Variants in TERB2 observed in about 807,000 individuals in gnomAD.
TERB2 encodes telomere repeat binding bouquet formation protein 2.
Under a neutral mutation model 29.8 loss-of-function variants are expected in TERB2, and 26 were observed. That is an observed-to-expected ratio of 0.87 (90% CI 0.64 to 1.21). TERB2 has a LOEUF of 1.21. Among genes scored for constraint, TERB2 ranks in the 50% most tolerant of loss-of-function variants. TERB2 has a pLI of 0.00. For missense variants in TERB2, 240 were observed against 268.6 expected, an observed-to-expected ratio of 0.89 and a Z score of 0.74; for synonymous variants, 80 against 90.8, an observed-to-expected ratio of 0.88 and a Z score of 0.68.
intron 3 of TERB2, among the ~76,000 whole-genome samples, chr15:44,961,001 T>C (rs1207264165): frequency 6.6e-6 from 1 of 151,796 alleles, no homozygotes; most frequent in Non-Finnish European, 1.5e-5. Flanking sequence ...AATATATATC[T>C]AATGCATTAT....
At position 44,978,709 on chromosome 15, in the gene TERB2, G is replaced by C; in HGVS notation, c.*81G>C. ...TGCATATCATAAAATGCTCCCTTTT[G>C]GTACTGGGGGATAGTGAAATGGGAA... is the stretch of plus-strand genomic sequence containing the variant. On this transcript the variant is annotated 3_prime_UTR_variant, in exon 7 of 7. Transcript: ENST00000340827. 1 of 1,350,162 alleles carries C rather than the reference G, an allele frequency of 7.4e-7. No individual in the cohort carries two copies. Among genetic ancestry groups the C allele is most frequent in the Non-Finnish European group, 9.6e-7 (1 of 1,037,270 alleles). 83.6% of individuals were successfully genotyped at this position (1,350,162 alleles called of 1,614,324 possible).
chr15:44,977,539 T>G (rs1677350100), intron 6 of TERB2, among the ~76,000 whole-genome samples: 1 of 152,210 alleles, frequency 6.6e-6, no homozygotes, highest in Non-Finnish European at 1.5e-5. Flanking sequence ...GATTATGAAC[T>G]CATAGAGTAT....
chr15:44,961,684 A>G (rs1687248341), intron 4 of TERB2, 100 bp downstream of exon 4: 1 of 742,118 alleles, frequency 1.3e-6, no homozygotes, highest in Non-Finnish European at 2.2e-6. Context: ...GTTAGCACCA[A>G]TGAGTCAGAT....
intron 5 of TERB2, among the ~76,000 whole-genome samples, chr15:44,971,337 T>C (rs1172448549): frequency 6.6e-6 from 1 of 152,236 alleles, no homozygotes; most frequent in Non-Finnish European, 1.5e-5. Flanking sequence ...AATGAGGATA[T>C]TGGTCTTATA....
In TERB2 at chr15:44,958,421, T is replaced by G; in HGVS notation, c.195T>G (p.His65Gln). 6.2e-7 allele frequency: 1 copy of G among 1,614,092 alleles called. No individual in the cohort carries two copies. The highest frequency in any genetic ancestry group is 8.5e-7 in the Non-Finnish European group (1 of 1,180,014). The change falls in exon 3 of 7, where the codon CAT (histidine) becomes CAG (glutamine). Residue 65 changes from histidine (H) to glutamine (Q), a missense_variant. Coordinates refer to ENST00000340827, the MANE Select transcript of TERB2 (RefSeq NM_152448.3). ...DYIEDNATVF[H>Q]AYYLSAVANA... ...TAGAAGATAATGCTACAGTTTTTCA[T>G]GCCTACTATCTCTCTGCGGTAGCTA...
At chr15:44,971,136 C>G (rs549726370) in intron 5 of TERB2, 7 of 154,316 alleles carry the variant, frequency 4.5e-5, no homozygotes, top group African/African-American at 1.7e-4. Context: ...ATTTAGCATA[C>G]AGGTGTCACC....
At chr15:44,972,894 T>G (rs555308498) in intron 5 of TERB2, among the ~76,000 whole-genome samples, 1 of 152,014 alleles carries the variant, frequency 6.6e-6, no homozygotes, top group East Asian at 1.9e-4. Flanking sequence ...ATTGTTTTTT[T>G]TTTTTTGAGG....
chr15:44,971,955 T>C (rs1891977405), intron 5 of TERB2, among the ~76,000 whole-genome samples: 1 of 151,246 alleles, frequency 6.6e-6, no homozygotes, highest in Admixed American at 6.6e-5. Flanking sequence ...AGAGTTTCTT[T>C]TGGGAGAGTT....
intron 6 of TERB2, among the ~76,000 whole-genome samples, chr15:44,975,723 G>A (rs1181977850): frequency 6.6e-6 from 1 of 151,472 alleles, no homozygotes; most frequent in Non-Finnish European, 1.5e-5. Context: ...TCCCCCAGTT[G>A]TGACAACCAA....
At chr15:44,968,217 A>C (rs35086485) in intron 5 of TERB2, among the ~76,000 whole-genome samples, 4 of 150,952 alleles carry the variant, frequency 2.6e-5, no homozygotes, top group Admixed American at 1.3e-4. Flanking sequence ...GATAACCTTC[A>C]TTTTTTGTTT....
At chr15:44,963,110 C>A (rs1052976523) in intron 4 of TERB2, among the ~76,000 whole-genome samples, 10 of 152,148 alleles carry the variant, frequency 6.6e-5, no homozygotes, top group Admixed American at 2.6e-4. Flanking sequence ...TTAAAACCCT[C>A]AATTTAATAA....
At chr15:44,962,541 T>G (rs1235677513) in intron 4 of TERB2, among the ~76,000 whole-genome samples, 4 of 152,032 alleles carry the variant, frequency 2.6e-5, no homozygotes, top group African/African-American at 9.7e-5. Flanking sequence ...ATTCCTATGA[T>G]GCACAGTTTG....
intron 5 of TERB2, among the ~76,000 whole-genome samples, chr15:44,967,342 C>T (rs543749940): frequency 5.3e-5 from 8 of 152,348 alleles, no homozygotes; most frequent in South Asian, 2.1e-4. Flanking sequence ...ATCCCCACAA[C>T]GGAGTGCCCC....
intron 4 of TERB2, among the ~76,000 whole-genome samples, chr15:44,964,911 T>A (rs1891858799): frequency 6.6e-6 from 1 of 151,866 alleles, no homozygotes; most frequent in Non-Finnish European, 1.5e-5. Context: ...CCTGTAATCC[T>A]GGCATTTTGG....
At position 44,978,678 on chromosome 15, in the gene TERB2, C is replaced by T; in HGVS notation, c.*50C>T. 1 of 1,491,742 alleles carries T rather than the reference C, an allele frequency of 6.7e-7. No homozygotes were observed. The highest frequency in any genetic ancestry group is 9.0e-7 in the Non-Finnish European group (1 of 1,117,262). 92.4% of individuals were successfully genotyped at this position (1,491,742 alleles called of 1,614,324 possible). ...CATTTATTTTCTATAAAATATTATA[C>T]AGATGTGCATATCATAAAATGCTCC... On this transcript the variant is annotated 3_prime_UTR_variant, in exon 7 of 7. Transcript: ENST00000340827.
Position 44,958,372 on chromosome 15 carries a change from G to C in TERB2, c.147-1G>C. On this transcript the variant is annotated splice_acceptor_variant, in intron 2 of 6. Transcript: ENST00000340827. LOFTEE classifies it high-confidence loss of function. ...TAAAATATTTCCTTTCTTTCTCCTA[G>C]AATATATCAGAGCCTTGATTACATA... 1 of 1,605,836 alleles carries C rather than the reference G, an allele frequency of 6.2e-7. No individual in the cohort carries two copies. Among genetic ancestry groups the C allele is most frequent in the East Asian group, 2.2e-5 (1 of 44,832 alleles).
At chr15:44,974,088 A>T (rs1892009573) in intron 6 of TERB2, 133 bp downstream of exon 6, 7 of 944,028 alleles carry the variant, frequency 7.4e-6, no homozygotes, top group Non-Finnish European at 9.5e-6. Context: ...TGGAGGACAC[A>T]TCACTTAAAT....
intron 3 of TERB2, among the ~76,000 whole-genome samples, chr15:44,959,683 TAG>T (rs1891772370): frequency 6.6e-6 from 1 of 152,176 alleles, no homozygotes; most frequent in South Asian, 2.1e-4. Flanking sequence ...TAACTTTAAC[TAG>T]CCCATGGGTA....
chr15:44,974,467 G>C (rs1427944446), intron 6 of TERB2, among the ~76,000 whole-genome samples: 1 of 152,092 alleles, frequency 6.6e-6, no homozygotes, highest in Non-Finnish European at 1.5e-5. Context: ...GCTCACAGAT[G>C]CCCAGAAGCC....
Sources: gnomAD v4.1 joint callset for allele counts (sites outside exome capture counted in the v4.1 genomes callset) on GRCh38, gnomAD v4.1.1 for gene constraint, MANE v1.5 for transcripts, NCBI Gene and HGNC (gene_info 2026-07-23, HGNC 2026-07-21) for gene names.